The following TBC1D2B variants were observed in gnomAD, a reference collection of about 807,000 sequenced individuals.
The protein encoded by TBC1D2B is TBC1 domain family member 2B.
TBC1D2B carries 64 observed loss-of-function variants against 100.8 expected under a neutral mutation model. The ratio of observed to expected loss-of-function variants is 0.64; its 90% confidence interval spans 0.52 to 0.78. The LOEUF (loss-of-function observed/expected upper bound fraction) is 0.78. Among genes scored for constraint, TBC1D2B ranks in the 30% least tolerant of loss-of-function variants. The pLI is 0.00. For synonymous variants in TBC1D2B, 480 were observed against 479.7 expected (o/e 1.00, Z -0.01); for missense variants, 1,052 against 1,218.4 (o/e 0.86, Z 2.03).
At chr15:78,035,029 A>G (rs760988458) in intron 3 of TBC1D2B, among the ~76,000 whole-genome samples, 1 of 152,082 alleles carries the variant, frequency 6.6e-6, no homozygotes, top group Non-Finnish European at 1.5e-5. Flanking sequence ...CTATGACAGT[A>G]TTTGCTGTTT....
intron 3 of TBC1D2B, chr15:78,034,657 G>C (rs1467722592): frequency 1.2e-5 from 12 of 985,408 alleles, no homozygotes; most frequent in Non-Finnish European, 1.4e-5. Flanking sequence ...CCAGCCTGTT[G>C]CAAGCCTGAG....
Position 78,017,888 on chromosome 15 carries a change from G to A in TBC1D2B, c.1540C>T (p.Arg514Ter). ...CTCTCTCTCCTTTCTGCATTTCTTC[G>A]TAGAGCTGAGAGTTCCAAAATCTCC... ...NKEILELSAL[R>*]RNAERRERDL... Residue 514 changes from arginine to a stop codon, truncating the protein, a stop_gained, in exon 7 of 13, where the codon CGA (arginine) becomes TGA (stop). Transcript: ENST00000300584. LOFTEE classifies it high-confidence loss of function. The A allele has an allele frequency of 1.2e-6, 2 of 1,610,944 alleles. No homozygotes were observed. Among genetic ancestry groups the A allele is most frequent in the South Asian group, 1.1e-5 (1 of 90,588 alleles).
intron 2 of TBC1D2B, 147 bp downstream of exon 2, chr15:78,053,887 T>C (rs1372519662): frequency 2.1e-6 from 2 of 931,156 alleles, no homozygotes; most frequent in Admixed American, 2.6e-5. Flanking sequence ...ATGGAGGCGC[T>C]GGGTAACTGT....
intron 1 of TBC1D2B, among the ~76,000 whole-genome samples, chr15:78,072,291 G>A (rs114059114): frequency 5.3e-5 from 8 of 152,226 alleles, no homozygotes; most frequent in African/African-American, 1.7e-4. Flanking sequence ...CAGTGGGAGA[G>A]GGAGACGGAA....
intron 1 of TBC1D2B, among the ~76,000 whole-genome samples, chr15:78,054,634 A>C (rs1398939266): frequency 2.0e-5 from 3 of 152,242 alleles, no homozygotes; most frequent in Admixed American, 6.5e-5. Flanking sequence ...TGCAGATTAA[A>C]AACGAGCTGG....
chr15:78,016,859 A>C (rs2072390307), intron 7 of TBC1D2B, 120 bp from the exon 8 acceptor site: 3 of 773,254 alleles, frequency 3.9e-6, no homozygotes, highest in Admixed American at 3.5e-5. Flanking sequence ...CCAGAGACAG[A>C]CTGTAGCAAA....
chr15:78,069,361 C>T (rs867280026), intron 1 of TBC1D2B, among the ~76,000 whole-genome samples: 1 of 152,242 alleles, frequency 6.6e-6, no homozygotes, highest in Non-Finnish European at 1.5e-5. Flanking sequence ...CCCATCACAA[C>T]ACCCACCACT....
intron 3 of TBC1D2B, among the ~76,000 whole-genome samples, chr15:78,037,278 C>T (rs1487894918): frequency 1.3e-5 from 2 of 152,162 alleles, no homozygotes; most frequent in African/African-American, 2.4e-5. Flanking sequence ...ACACCCTGTT[C>T]TGACTTCCTT....
intron 1 of TBC1D2B, among the ~76,000 whole-genome samples, chr15:78,057,602 T>C (rs1327177572): frequency 6.6e-6 from 1 of 151,918 alleles, no homozygotes; most frequent in Non-Finnish European, 1.5e-5. Flanking sequence ...GCCGACACGG[T>C]GCCACTGCAC....
At chr15:78,012,235 A>G (rs1323434066) in intron 9 of TBC1D2B, among the ~76,000 whole-genome samples, 1 of 152,222 alleles carries the variant, frequency 6.6e-6, no homozygotes, top group Non-Finnish European at 1.5e-5. Flanking sequence ...AGCAAACCTC[A>G]GTCCTCCTGA....
Position 77,997,785 on chromosome 15 carries a change from T to C in TBC1D2B, c.*375A>G, listed in dbSNP as rs540304035. On this transcript the variant is annotated 3_prime_UTR_variant, in exon 13 of 13. Transcript: ENST00000300584. The stretch of plus-strand genomic sequence containing the variant: ...CAAAACCACACACCACTGCCCACTA[T>C]GTACAGGAGAGAGAATATGGGGAGA... 72 of 166,606 alleles carry C rather than the reference T, an allele frequency of 4.3e-4. No homozygotes were observed. The highest frequency in any genetic ancestry group is 8.1e-4 in the Non-Finnish European group (63 of 77,958). 10.3% of individuals were successfully genotyped at this position (166,606 alleles called of 1,614,324 possible).
At chr15:78,060,255 G>A (rs933645958) in intron 1 of TBC1D2B, among the ~76,000 whole-genome samples, 2 of 152,116 alleles carry the variant, frequency 1.3e-5, no homozygotes, top group Admixed American at 6.5e-5. Context: ...GATATTCACC[G>A]CAAGCAAACA....
chr15:78,030,540 C>A (rs1596317069), intron 3 of TBC1D2B, among the ~76,000 whole-genome samples: 1 of 152,138 alleles, frequency 6.6e-6, no homozygotes, highest in Admixed American at 6.5e-5. Context: ...AACTCTTGAC[C>A]TCAAGGTGAT....
In TBC1D2B at chr15:77,996,539, C is replaced by T. The variant is rs1047460710; in HGVS notation, c.*1621G>A. On this transcript the variant is annotated 3_prime_UTR_variant, in exon 13 of 13. Transcript: ENST00000300584. ...CTCAAAGACAAAGACAATGACAAAA[C>T]CCATTTTTGATGCCTGAAAAGAGGC... 1 of 152,228 alleles carries T rather than the reference C, an allele frequency of 6.6e-6. No homozygotes were observed. The highest frequency in any genetic ancestry group is 6.5e-5 in the Admixed American group (1 of 15,276). The allele number at this position is 152,228 out of a possible 1,614,324, so 9.4% of individuals were successfully genotyped here. A position where few individuals can be genotyped will look rare whatever the true frequency, so the allele number is the denominator to read the frequency against.
In TBC1D2B at chr15:78,024,291, C is replaced by G. The variant is rs141886056; in HGVS notation, c.1335G>C (p.Glu445Asp). ...TGACCTCGTCCTTGGCTTGGATGGT[C>G]TCCATGAGCATTCCCAGCTGCTCGT... Reference protein sequence around the residue: ...ELNEQLGMLMETIQAKDEVII... With the variant: ...ELNEQLGMLMDTIQAKDEVII... Residue 445 changes from glutamate (E) to aspartate (D), a missense_variant, in exon 6 of 13, where the codon GAG becomes GAC. Coordinates refer to ENST00000300584, the MANE Select transcript of TBC1D2B (RefSeq NM_144572.2). 1 of 1,614,054 alleles carries G rather than the reference C, an allele frequency of 6.2e-7. No individual in the cohort carries two copies. The highest frequency in any genetic ancestry group is 8.5e-7 in the Non-Finnish European group (1 of 1,179,910).
chr15:78,059,440 T>G (rs28658476), intron 1 of TBC1D2B, among the ~76,000 whole-genome samples: 1 of 152,226 alleles, frequency 6.6e-6, no homozygotes, highest in Non-Finnish European at 1.5e-5. Flanking sequence ...GCCATTGTAG[T>G]TGTCTCCTAC....
At chr15:78,031,518 C>T (rs148568557) in intron 3 of TBC1D2B, among the ~76,000 whole-genome samples, 1,459 of 130,178 alleles carry the variant, frequency 0.011, 13 homozygotes, top group Middle Eastern at 0.087. Context: ...CACCCCACTG[C>T]ACTCCAGCCT....
intron 2 of TBC1D2B, among the ~76,000 whole-genome samples, chr15:78,048,527 T>C (rs1269273986): frequency 2.0e-5 from 3 of 152,370 alleles, no homozygotes; most frequent in East Asian, 1.9e-4. Flanking sequence ...AGTCTGTGCC[T>C]GACGGTTTTT....
At position 77,995,929 on chromosome 15, in the gene TBC1D2B, T is replaced by C. The variant is rs1467653455; in HGVS notation, c.*2231A>G. 43 of 151,480 alleles carry C rather than the reference T, an allele frequency of 2.8e-4. No homozygotes were observed. Among genetic ancestry groups the C allele is most frequent in the African/African-American group, 9.9e-4 (41 of 41,242 alleles). The allele number at this position is 151,480 out of a possible 1,614,324, so 9.4% of individuals were successfully genotyped here. On this transcript the variant is annotated 3_prime_UTR_variant, in exon 13 of 13. Coordinates refer to ENST00000300584, the MANE Select transcript of TBC1D2B (RefSeq NM_144572.2). The stretch of plus-strand genomic sequence containing the variant: ...TGGAGGGGACAGAGCAGCTCTTTCC[T>C]CAGTGACCCGAGGGAGGGGAAGTGT...
Sources: allele counts gnomAD v4.1 joint callset (sites outside exome capture counted in the v4.1 genomes callset), GRCh38; gene constraint gnomAD v4.1.1; transcripts MANE v1.5; gene names NCBI Gene and HGNC (gene_info 2026-07-23, HGNC 2026-07-21).